Variants in GRM7 observed in about 807,000 individuals in gnomAD.
The protein encoded by GRM7 is glutamate metabotropic receptor 7.
GRM7 carries 35 observed loss-of-function variants against 84.5 expected under a neutral mutation model. The ratio of observed to expected loss-of-function variants is 0.41; its 90% confidence interval spans 0.32 to 0.55. The LOEUF (loss-of-function observed/expected upper bound fraction) is 0.55. Ranked by LOEUF, GRM7 falls within the 20% of genes least tolerant of loss-of-function variation. The probability of loss-of-function intolerance (pLI) is 0.19; values close to 1 mark genes in which losing one functional copy is unlikely to be tolerated. For synonymous variants in GRM7, 487 were observed against 455.1 expected (o/e 1.07, Z -0.89); for missense variants, 1,003 against 1,194.6 (o/e 0.84, Z 2.36).
intron 1 of GRM7, among the ~76,000 whole-genome samples, chr3:7,110,895 A>G (rs1397752157): frequency 2.0e-5 from 3 of 152,062 alleles, no homozygotes; most frequent in East Asian, 1.9e-4. Context: ...GCATGTATGC[A>G]GGGAGTCCTG....
chr3:7,701,996 T>C (rs1417413530), intron 9 of GRM7, among the ~76,000 whole-genome samples: 2 of 152,128 alleles, frequency 1.3e-5, no homozygotes, highest in African/African-American at 2.4e-5. Context: ...CTAACATGCA[T>C]TGGACCACAT....
chr3:7,246,266 C>T (rs1697755219), intron 2 of GRM7, among the ~76,000 whole-genome samples: 2 of 152,106 alleles, frequency 1.3e-5, no homozygotes, highest in Admixed American at 1.3e-4. Context: ...AATGTGGCTC[C>T]AGATTAGCCT....
intron 4 of GRM7, among the ~76,000 whole-genome samples, chr3:7,318,504 C>T (rs914571483): frequency 1.4e-4 from 22 of 151,956 alleles, no homozygotes; most frequent in African/African-American, 5.1e-4. Flanking sequence ...TTGAAAGGGC[C>T]ATTAAGTTAG....
chr3:7,590,783 T>A lies in GRM7; in HGVS notation c.2451+11426T>A, dbSNP rs556766931. On this transcript the variant is annotated intron_variant, in intron 8 of 9. Transcript: ENST00000357716. ...CATATCATGGCTTCCTTAACTCTCC[T>A]CTACCCCAGCTAAAGGGAGCTCCAC... Among the ~76,000 whole-genome samples, 3 of 152,288 alleles carry A rather than the reference T, an allele frequency of 2.0e-5. No individual in the cohort carries two copies. In the East Asian group the frequency reaches 5.8e-4, roughly 29 times the overall value.
chr3:7,159,362 G>T lies in GRM7; in HGVS notation c.736+12694G>T, dbSNP rs1388660217. On this transcript the variant is annotated intron_variant, in intron 2 of 9. Transcript: ENST00000357716. ...TTGCTTTATTTAGCTTTTGCAGCAT[G>T]CAAGGACTAAGTTCATCAGATAGGG... 2.6e-5 allele frequency among the ~76,000 whole-genome samples: 4 copies of T among 152,178 alleles called. No homozygotes were observed. The South Asian group carries it at 6.2e-4, about 24-fold the overall frequency.
intron 1 of GRM7, among the ~76,000 whole-genome samples, chr3:6,942,742 T>C (rs554593667): frequency 1.7e-4 from 26 of 152,236 alleles, no homozygotes; most frequent in African/African-American, 5.8e-4. Flanking sequence ...TTCTCTTCAG[T>C]AAATACCTGG....
At chr3:7,089,324 T>G (rs1698579549) in intron 1 of GRM7, among the ~76,000 whole-genome samples, 1 of 152,218 alleles carries the variant, frequency 6.6e-6, no homozygotes, top group South Asian at 2.1e-4. Context: ...GTAATTTTCT[T>G]GCATCAGCTA....
chr3:7,357,673 A>G (rs1461346675), intron 4 of GRM7, among the ~76,000 whole-genome samples: 1 of 152,246 alleles, frequency 6.6e-6, no homozygotes, highest in Middle Eastern at 3.4e-3. Flanking sequence ...CTGTTTAGCC[A>G]GGGCATGCCC....
chr3:7,619,676 A>C (rs1303975577), intron 8 of GRM7, among the ~76,000 whole-genome samples: 1 of 152,138 alleles, frequency 6.6e-6, no homozygotes, highest in Non-Finnish European at 1.5e-5. Flanking sequence ...TTTTGAAGGA[A>C]GCAAATCTAC....
At chr3:7,159,640 CA>C (rs1424913858) in intron 2 of GRM7, among the ~76,000 whole-genome samples, 2 of 152,054 alleles carry the variant, frequency 1.3e-5, no homozygotes, top group Non-Finnish European at 2.9e-5. Context: ...GGTTGGTAAG[CA>C]AAATTGGAAG....
chr3:7,649,213 G>A (rs1368481275), intron 8 of GRM7, among the ~76,000 whole-genome samples: 2 of 151,932 alleles, frequency 1.3e-5, no homozygotes, highest in African/African-American at 4.8e-5. Flanking sequence ...GGGACTACAG[G>A]CACCCACTAC....
chr3:6,939,563 TGTAA>T (rs2125054689), intron 1 of GRM7, among the ~76,000 whole-genome samples: 1 of 152,206 alleles, frequency 6.6e-6, no homozygotes, highest in African/African-American at 2.4e-5. Context: ...TCATGAAAAA[TGTAA>T]GTTTTAGATA....
chr3:7,201,177 G>C (rs1276826664), intron 2 of GRM7, among the ~76,000 whole-genome samples: 1 of 151,828 alleles, frequency 6.6e-6, no homozygotes, highest in African/African-American at 2.4e-5. Context: ...CACCATGTTA[G>C]CCAGGATGGT....
At chr3:7,501,459 G>A (rs1699879973) in intron 7 of GRM7, among the ~76,000 whole-genome samples, 1 of 152,196 alleles carries the variant, frequency 6.6e-6, no homozygotes, top group Admixed American at 6.5e-5. Flanking sequence ...CAGACTCTAT[G>A]CTTTGATCAT....
intron 7 of GRM7, among the ~76,000 whole-genome samples, chr3:7,573,991 C>T (rs922613868): frequency 7.2e-5 from 11 of 152,174 alleles, no homozygotes; most frequent in African/African-American, 1.9e-4. Context: ...TATCATTTCA[C>T]GCTCAAAATT....
At chr3:6,891,087 A>G (rs1469396218) in intron 1 of GRM7, among the ~76,000 whole-genome samples, 12 of 152,122 alleles carry the variant, frequency 7.9e-5, no homozygotes, top group African/African-American at 2.9e-4. Context: ...TTTGCTTGGT[A>G]GATCTTCCTC....
chr3:7,147,685 A>G (rs7627179), intron 2 of GRM7, among the ~76,000 whole-genome samples: 92,358 of 151,960 alleles, frequency 0.61, 30,428 homozygotes, highest in African/African-American at 0.88. Context: ...AGAAACTAGG[A>G]CTTGTTTATA....
chr3:7,620,759 A>T (rs748887792), intron 8 of GRM7, among the ~76,000 whole-genome samples: 11 of 152,104 alleles, frequency 7.2e-5, no homozygotes, highest in African/African-American at 2.7e-4. Context: ...CAAATTATAA[A>T]CTACCATTAG....
At chr3:7,571,083 G>A (rs979363311) in intron 7 of GRM7, among the ~76,000 whole-genome samples, 1 of 152,128 alleles carries the variant, frequency 6.6e-6, no homozygotes, top group Non-Finnish European at 1.5e-5. Context: ...CAGGGATCCT[G>A]TCCCTGGTCC....
Sources: allele counts gnomAD v4.1 joint callset (sites outside exome capture counted in the v4.1 genomes callset), GRCh38; gene constraint gnomAD v4.1.1; transcripts MANE v1.5; gene names NCBI Gene and HGNC (gene_info 2026-07-23, HGNC 2026-07-21).